BCO1: variants seen among roughly 807,000 people sequenced by gnomAD.
BCO1 encodes the protein beta-carotene oxygenase 1.
In BCO1, 54 loss-of-function variants were observed where a neutral mutation model predicts 56.3. The ratio of observed to expected loss-of-function variants is 0.96; its 90% confidence interval spans 0.77 to 1.20. BCO1 has a LOEUF of 1.20. Among genes scored for constraint, BCO1 ranks in the 50% most tolerant of loss-of-function variants. The probability of loss-of-function intolerance (pLI) is 0.00; values close to 1 mark genes in which losing one functional copy is unlikely to be tolerated. For missense variants in BCO1, 801 were observed against 690.9 expected, an observed-to-expected ratio of 1.16 and a Z score of -1.79; for synonymous variants, 318 against 266.1, an observed-to-expected ratio of 1.20 and a Z score of -1.90.
In BCO1 at chr16:81,245,499, G is replaced by T; in HGVS notation, c.89G>T (p.Gly30Val). ...GGCAAGATTCCAGCATGGCTGCAGG[G>T]AACCCTGCTCCGCAATGGGCCTGGG... is the stretch of plus-strand genomic sequence containing the variant. ...VTGKIPAWLQ[G>V]TLLRNGPGMH... Residue 30 changes from glycine to valine, a missense_variant, in exon 2 of 11, where the codon GGA becomes GTA. Coordinates refer to ENST00000258168, the MANE Select transcript of BCO1 (RefSeq NM_017429.3). The T allele has an allele frequency of 6.2e-7, 1 of 1,614,186 alleles. No homozygotes were observed. Among genetic ancestry groups the T allele is most frequent in the Non-Finnish European group, 8.5e-7 (1 of 1,180,042 alleles).
At chr16:81,260,458 G>A (rs1906415132) in intron 3 of BCO1, among the ~76,000 whole-genome samples, 1 of 152,092 alleles carries the variant, frequency 6.6e-6, no homozygotes, top group African/African-American at 2.4e-5. Context: ...GTTGAGGAGA[G>A]GGAGAGATTT....
At chr16:81,272,263 G>C (rs1907274629) in intron 7 of BCO1, among the ~76,000 whole-genome samples, 1 of 151,584 alleles carries the variant, frequency 6.6e-6, no homozygotes, top group African/African-American at 2.4e-5. Context: ...ACAGACACCT[G>C]CCACCACGCC....
chr16:81,266,024 C>T (rs1054642934), intron 5 of BCO1, among the ~76,000 whole-genome samples: 2 of 151,626 alleles, frequency 1.3e-5, no homozygotes, highest in Admixed American at 6.6e-5. Flanking sequence ...CATGCACCCA[C>T]CCACCCACCT....
chr16:81,265,453 C>G (rs1567454364), intron 5 of BCO1, among the ~76,000 whole-genome samples: 1 of 150,482 alleles, frequency 6.6e-6, no homozygotes, highest in Non-Finnish European at 1.5e-5. Flanking sequence ...ATCCACCCAC[C>G]ACCCATCCAC....
chr16:81,243,949 G>T (rs1288579965), intron 1 of BCO1, among the ~76,000 whole-genome samples: 1 of 152,216 alleles, frequency 6.6e-6, no homozygotes. Context: ...AAATCCTCTG[G>T]GTATGACGTA....
At chr16:81,243,365 G>C (rs891381354) in intron 1 of BCO1, among the ~76,000 whole-genome samples, 2 of 152,064 alleles carry the variant, frequency 1.3e-5, no homozygotes, top group Non-Finnish European at 2.9e-5. Flanking sequence ...CCTGGCCCCC[G>C]TTATTTCTGC....
At chr16:81,270,476 T>C (rs2151942110) in intron 7 of BCO1, 60 bp downstream of exon 7, 16 of 1,604,782 alleles carry the variant, frequency 1.0e-5, no homozygotes, top group Non-Finnish European at 1.4e-5. Flanking sequence ...AGGTGGGAAG[T>C]TACTTTGGCC....
At chr16:81,279,809 C>T (rs1907761399) in intron 7 of BCO1, among the ~76,000 whole-genome samples, 2 of 152,164 alleles carry the variant, frequency 1.3e-5, no homozygotes, top group Admixed American at 6.6e-5. Flanking sequence ...CAAGAAATGT[C>T]CTTGAAGGCT....
At position 81,273,705 on chromosome 16, in the gene BCO1, A is replaced by C. The variant is rs1907381831; in HGVS notation, c.1101+3289A>C. On this transcript the variant is annotated intron_variant, in intron 7 of 10. Transcript: ENST00000258168. ...CTCATTTGAAAGGAAACACATCACTACCCAGTAGAAAGCTGGCAATGCTTG... is the reference window on the plus strand; with the variant it reads ...CTCATTTGAAAGGAAACACATCACTCCCCAGTAGAAAGCTGGCAATGCTTG... Among the ~76,000 whole-genome samples, 4 of 151,072 alleles carry C rather than the reference A, an allele frequency of 2.6e-5. No homozygotes were observed. In the South Asian group the frequency reaches 8.3e-4, roughly 31 times the overall value.
At chr16:81,281,740 G>C (rs1056556813) in intron 8 of BCO1, among the ~76,000 whole-genome samples, 1 of 152,152 alleles carries the variant, frequency 6.6e-6, no homozygotes, top group Non-Finnish European at 1.5e-5. Flanking sequence ...TCTGGGGCTG[G>C]GTCATTCTTT....
chr16:81,263,446 G>T (rs542908779), intron 4 of BCO1: 1 of 152,174 alleles, frequency 6.6e-6, no homozygotes, highest in East Asian at 1.9e-4. Flanking sequence ...CCCCAGTGCA[G>T]TATGACCTCA....
intron 4 of BCO1, chr16:81,263,973 C>G (rs1399987398): frequency 6.4e-6 from 1 of 156,140 alleles, no homozygotes; most frequent in Non-Finnish European, 1.4e-5. Context: ...AAGGAGTTAT[C>G]TGACTCTGGG....
At chr16:81,242,537 C>T (rs1257889723) in intron 1 of BCO1, among the ~76,000 whole-genome samples, 4 of 152,110 alleles carry the variant, frequency 2.6e-5, no homozygotes, top group African/African-American at 9.7e-5. Flanking sequence ...GCACATCCCC[C>T]TGTATTTAGT....
At chr16:81,261,729 A>G (rs1007156132) in intron 3 of BCO1, among the ~76,000 whole-genome samples, 1 of 151,680 alleles carries the variant, frequency 6.6e-6, no homozygotes, top group Non-Finnish European at 1.5e-5. Context: ...TTTCTTCCTT[A>G]GTTGAAGTAA....
At position 81,270,435 on chromosome 16, in the gene BCO1, G is replaced by T. The variant is rs766802088; in HGVS notation, c.1101+19G>T. Reference sequence around the variant, plus strand: ...GGACAAGGTAATGGCTTCCAAGGAGGTCCCTTTTCTTTCTAGAGAGATATC... The same window carrying T: ...GGACAAGGTAATGGCTTCCAAGGAGTTCCCTTTTCTTTCTAGAGAGATATC... On this transcript the variant is annotated intron_variant, in intron 7 of 10. Coordinates refer to ENST00000258168, the MANE Select transcript of BCO1 (RefSeq NM_017429.3). 29 of 1,613,524 alleles carry T rather than the reference G, an allele frequency of 1.8e-5. No individual in the cohort carries two copies. Among genetic ancestry groups the T allele is most frequent in the Admixed American group, 3.3e-5 (2 of 59,946 alleles).
At chr16:81,244,997 T>C (rs1364234947) in intron 1 of BCO1, among the ~76,000 whole-genome samples, 2 of 152,144 alleles carry the variant, frequency 1.3e-5, no homozygotes, top group Admixed American at 6.5e-5. Flanking sequence ...TTCAAGTGAT[T>C]CTCCTGCCTC....
intron 1 of BCO1, among the ~76,000 whole-genome samples, chr16:81,240,780 G>C (rs11150374): frequency 0.024 from 3,617 of 151,714 alleles, 138 homozygotes; most frequent in African/African-American, 0.082. Flanking sequence ...TTTATTATTT[G>C]GTTGGTGCAA....
Position 81,270,221 on chromosome 16 carries a change from C to T in BCO1, c.906C>T (p.Asp302=), listed in dbSNP as rs752967860. The T allele has an allele frequency of 6.8e-6, 11 of 1,614,212 alleles. No homozygotes were observed. Among genetic ancestry groups the T allele is most frequent in the Middle Eastern group, 3.3e-4 (2 of 6,062 alleles). The change falls in exon 7 of 11, where the codon GAC becomes GAT. Residue 302 remains aspartate (D), a synonymous_variant. Coordinates refer to ENST00000258168, the MANE Select transcript of BCO1 (RefSeq NM_017429.3). The part of the protein sequence containing the change: ...RQPVQTKFYT[D]AMVVFHHVNA... ...CTGTGCAGACCAAGTTTTACACAGA[C>T]GCCATGGTGGTCTTCCATCACGTCA...
intron 10 of BCO1, 55 bp downstream of exon 10, chr16:81,287,461 C>A: frequency 7.2e-7 from 1 of 1,383,822 alleles, no homozygotes; most frequent in Non-Finnish European, 1.0e-6. Context: ...GATCGCCCTC[C>A]AACAGAGACA....
Sources: gnomAD v4.1 joint callset for allele counts (sites outside exome capture counted in the v4.1 genomes callset) on GRCh38, gnomAD v4.1.1 for gene constraint, MANE v1.5 for transcripts, NCBI Gene and HGNC (gene_info 2026-07-23, HGNC 2026-07-21) for gene names.